The following EZH2 variants were observed in gnomAD, a reference collection of about 807,000 sequenced individuals.
The protein encoded by EZH2 is enhancer of zeste 2 polycomb repressive complex 2 subunit.
In EZH2, 18 loss-of-function variants were observed where a neutral mutation model predicts 98.4. The observed-to-expected ratio is 0.18, with a 90% confidence interval of 0.13 to 0.27. The LOEUF (loss-of-function observed/expected upper bound fraction) is 0.27. Ranked by LOEUF, EZH2 falls within the 10% of genes least tolerant of loss-of-function variation. The probability of loss-of-function intolerance (pLI) is 1.00; values close to 1 mark genes in which losing one functional copy is unlikely to be tolerated. For missense variants in EZH2, 470 were observed against 935.1 expected, an observed-to-expected ratio of 0.50 and a Z score of 6.49; for synonymous variants, 338 against 312.3, an observed-to-expected ratio of 1.08 and a Z score of -0.87.
chr7:148,851,353 C>T (rs1011349329), intron 1 of EZH2, among the ~76,000 whole-genome samples: 1 of 152,058 alleles, frequency 6.6e-6, no homozygotes, highest in Non-Finnish European at 1.5e-5. Flanking sequence ...GCTGATATTG[C>T]CTTAAAGACC....
Position 148,826,608 on chromosome 7 carries a change from C to A in EZH2, c.753G>T (p.Gln251His). Residue 251 changes from glutamine (Q) to histidine (H), a missense_variant, in exon 8 of 20, where the codon CAG becomes CAT. Gln to His is a conservative substitution (Grantham distance 24, BLOSUM62 0). Coordinates refer to ENST00000320356, the MANE Select transcript of EZH2 (RefSeq NM_004456.5). ...KEKYKELTEQQLPGALPPECT... is the reference protein window; with the variant it reads ...KEKYKELTEQHLPGALPPECT... ...ATTCAGGAGGAAGTGCGCCTGGGAG[C>A]TGCTGTTCGGTGAGTTCTTTATATC... 1 of 1,548,168 alleles carries A rather than the reference C, an allele frequency of 6.5e-7. No homozygotes were observed. Among genetic ancestry groups the A allele is most frequent in the Non-Finnish European group, 8.7e-7 (1 of 1,144,290 alleles).
chr7:148,840,066 T>C (rs149918396), intron 3 of EZH2, among the ~76,000 whole-genome samples: 50 of 152,302 alleles, frequency 3.3e-4, no homozygotes, highest in African/African-American at 1.2e-3. Context: ...GTTGAGAATA[T>C]AGGTAAACAG....
At position 148,816,667 on chromosome 7, in the gene EZH2, C is replaced by G. The variant is rs1214929329; in HGVS notation, c.1505+17G>C. ...TATCTATGTTGACTTCTCTAAGGAG[C>G]TTCATGACAGACTCACCGGTGTTTC... On this transcript the variant is annotated intron_variant, in intron 12 of 19. Transcript: ENST00000320356. 6.3e-7 allele frequency: 1 copy of G among 1,599,502 alleles called. No homozygotes were observed. The highest frequency in any genetic ancestry group is 1.3e-5 in the African/African-American group (1 of 74,626).
chr7:148,822,799 A>C (rs1806533325), intron 8 of EZH2, among the ~76,000 whole-genome samples: 1 of 151,756 alleles, frequency 6.6e-6, no homozygotes, highest in Non-Finnish European at 1.5e-5. Context: ...AATATGAGCC[A>C]GGTGAGGTGG....
chr7:148,859,326 T>A (rs1282022233), intron 1 of EZH2, among the ~76,000 whole-genome samples: 4 of 152,014 alleles, frequency 2.6e-5, no homozygotes, highest in Non-Finnish European at 5.9e-5. Context: ...GCCAAGACGG[T>A]GAAACCCCGT....
rs1233687730 is a variant in EZH2, at chr7:148,826,594, A to G, written c.767T>C (p.Leu256Pro). 6.4e-7 allele frequency: 1 copy of G among 1,565,988 alleles called. No homozygotes were observed. The highest frequency in any genetic ancestry group is 8.7e-7 in the Non-Finnish European group (1 of 1,152,648). Residue 256 changes from leucine to proline, a missense_variant, in exon 8 of 20, where the codon CTT becomes CCT. Leu to Pro is a moderately conservative substitution (Grantham distance 98). This residue lies in a region of EZH2 where 192 missense variants were observed against 306.8 expected (regional missense o/e 0.63). Transcript: ENST00000320356. The stretch of plus-strand genomic sequence containing the variant: ...TATGTTGGGGGTACATTCAGGAGGA[A>G]GTGCGCCTGGGAGCTGCTGTTCGGT... ...ELTEQQLPGA[L>P]PPECTPNIDG...
chr7:148,840,655 G>A (rs890698930), intron 3 of EZH2, among the ~76,000 whole-genome samples: 2 of 152,104 alleles, frequency 1.3e-5, no homozygotes, highest in African/African-American at 2.4e-5. Context: ...GTATAAAACT[G>A]CCTTGTTGGG....
chr7:148,868,469 CGAGAACTCACTGTCAG>C (rs1818859039), intron 1 of EZH2, among the ~76,000 whole-genome samples: 1 of 152,122 alleles, frequency 6.6e-6, no homozygotes, highest in Admixed American at 6.5e-5. Flanking sequence ...CTCACTGTCA[CGAGAACTCACTGTCAG>C]GAGAACAGCA....
chr7:148,879,092 G>A (rs892243499), intron 1 of EZH2, among the ~76,000 whole-genome samples: 1 of 150,900 alleles, frequency 6.6e-6, no homozygotes, highest in Non-Finnish European at 1.5e-5. Context: ...AGGTGTGGTG[G>A]TGCGTTCCCG....
chr7:148,852,972 A>C (rs1216811671), intron 1 of EZH2, among the ~76,000 whole-genome samples: 1 of 152,104 alleles, frequency 6.6e-6, no homozygotes, highest in Non-Finnish European at 1.5e-5. Flanking sequence ...CATAACGTAT[A>C]CACATTCTCC....
At position 148,847,264 on chromosome 7, in the gene EZH2, G is replaced by C; in HGVS notation, c.35C>G (p.Pro12Arg). ...TTTTACACGCTTCCGCCAACAAACT[G>C]GTCCCTTCTCAGATTTCTTCCCAGT... is the stretch of plus-strand genomic sequence containing the variant. ...GQTGKKSEKGPVCWRKRVKSE... is the reference protein window; with the variant it reads ...GQTGKKSEKGRVCWRKRVKSE... The change falls in exon 2 of 20, where the codon CCA (proline) becomes CGA (arginine). Residue 12 changes from proline (P) to arginine (R), a missense_variant. Around this residue, in one of 6 missense-constraint regions of EZH2, gnomAD observed 79 missense variants for 122.1 expected, o/e 0.65. Transcript: ENST00000320356. The C allele has an allele frequency of 6.2e-7, 1 of 1,613,764 alleles. No individual in the cohort carries two copies. Among genetic ancestry groups the C allele is most frequent in the Non-Finnish European group, 8.5e-7 (1 of 1,179,860 alleles).
intron 1 of EZH2, among the ~76,000 whole-genome samples, chr7:148,849,140 T>C (rs1217521015): frequency 6.6e-6 from 1 of 152,196 alleles, no homozygotes; most frequent in Admixed American, 6.5e-5. Flanking sequence ...CTGCAGCTGG[T>C]TAAATCCATG....
chr7:148,808,560 G>A (rs184440146), intron 19 of EZH2, among the ~76,000 whole-genome samples: 1 of 152,326 alleles, frequency 6.6e-6, no homozygotes, highest in Admixed American at 6.5e-5. Flanking sequence ...TGGCCCACGT[G>A]TCCCAGGCAT....
At chr7:148,810,497 T>A in intron 16 of EZH2, 83 bp from the exon 17 acceptor site, 2 of 745,450 alleles carry the variant, frequency 2.7e-6, no homozygotes, top group African/African-American at 1.7e-5. Flanking sequence ...ACAGAGTGAA[T>A]ACTGGACCTT....
chr7:148,820,842 T>C (rs1386002997), intron 8 of EZH2, among the ~76,000 whole-genome samples: 1 of 152,050 alleles, frequency 6.6e-6, no homozygotes, highest in Non-Finnish European at 1.5e-5. Context: ...TTAACAAAAA[T>C]AAAACGAACA....
chr7:148,860,598 G>A (rs1005392297), intron 1 of EZH2, among the ~76,000 whole-genome samples: 4 of 152,156 alleles, frequency 2.6e-5, no homozygotes, highest in Non-Finnish European at 5.9e-5. Context: ...GACCTGTTTA[G>A]TTTATATGTG....
At chr7:148,877,913 T>A (rs1054243725) in intron 1 of EZH2, among the ~76,000 whole-genome samples, 3 of 152,186 alleles carry the variant, frequency 2.0e-5, no homozygotes, top group Non-Finnish European at 4.4e-5. Flanking sequence ...ATGGAGTAGA[T>A]AATATGTAGT....
intron 15 of EZH2, among the ~76,000 whole-genome samples, chr7:148,813,692 C>T (rs1267873696): frequency 1.3e-5 from 2 of 151,946 alleles, no homozygotes; most frequent in South Asian, 2.1e-4. Flanking sequence ...AAAAATACCT[C>T]TTATTCCTAA....
chr7:148,847,170 A>T lies in EZH2; in HGVS notation c.117+12T>A. ...AATTGTATATTCATTTTCACAAAAGATAAAATTATACCTTTACTTCATCAG... is the reference window on the plus strand; with the variant it reads ...AATTGTATATTCATTTTCACAAAAGTTAAAATTATACCTTTACTTCATCAG... On this transcript the variant is annotated intron_variant, in intron 2 of 19. Coordinates refer to ENST00000320356, the MANE Select transcript of EZH2 (RefSeq NM_004456.5). 6.3e-7 allele frequency: 1 copy of T among 1,595,494 alleles called. No individual in the cohort carries two copies. Among genetic ancestry groups the T allele is most frequent in the Non-Finnish European group, 8.5e-7 (1 of 1,174,594 alleles).
Sources: allele counts gnomAD v4.1 joint callset (sites outside exome capture counted in the v4.1 genomes callset), GRCh38; gene constraint gnomAD v4.1.1; regional missense constraint gnomAD v4.1.1; transcripts MANE v1.5; gene names NCBI Gene and HGNC (gene_info 2026-07-23, HGNC 2026-07-21).